Variants in PCDHGA4 observed in about 807,000 individuals in gnomAD.
The protein encoded by PCDHGA4 is protocadherin gamma subfamily A, 4, also known as protocadherin gamma-A4.
A neutral mutation model predicts 54.6 loss-of-function variants in PCDHGA4; 38 were observed. The ratio of observed to expected loss-of-function variants is 0.70; its 90% CI spans 0.54 to 0.91. The LOEUF is 0.91. Ranked by LOEUF, PCDHGA4 falls within the 40% of genes least tolerant of loss-of-function variation. The pLI is 0.00. For synonymous variants in PCDHGA4, 511 were observed against 512.9 expected, an observed-to-expected ratio of 1.00 and a Z score of 0.05; for missense variants, 1,298 against 1,220.9, an observed-to-expected ratio of 1.06 and a Z score of -0.94.
intron 1 of PCDHGA4, chr5:141,376,645 T>C: frequency 9.9e-7 from 1 of 1,010,330 alleles, no homozygotes; most frequent in South Asian, 1.7e-5. Flanking sequence ...TTTTGTAAAG[T>C]GGAAGACTCC....
chr5:141,476,597 G>C lies in PCDHGA4; in HGVS notation c.2515-18210G>C, dbSNP rs2099394582. On this transcript the variant is annotated intron_variant, in intron 1 of 3. Coordinates refer to ENST00000571252, the MANE Select transcript of PCDHGA4 (RefSeq NM_018917.4). The surrounding 1 kb of genome is among the most constrained non-coding windows in gnomAD (Gnocchi z 7.6). ...GCGCTTTCCGCTCGAGAGCGCGCAC[G>C]ATCCCGATGTGGGAAGCAACTCTTT... The C allele has an allele frequency of 1.2e-6, 2 of 1,614,112 alleles. No individual in the cohort carries two copies. The highest frequency in any genetic ancestry group is 1.7e-6 in the Non-Finnish European group (2 of 1,180,046).
At chr5:141,387,448 G>T (rs913381872) in intron 1 of PCDHGA4, among the ~76,000 whole-genome samples, 1 of 152,228 alleles carries the variant, frequency 6.6e-6, no homozygotes, top group African/African-American at 2.4e-5. Context: ...TAATCTACAT[G>T]ATTTGCCTAA....
At chr5:141,434,553 G>T (rs1203568173) in intron 1 of PCDHGA4, among the ~76,000 whole-genome samples, 1 of 152,202 alleles carries the variant, frequency 6.6e-6, no homozygotes, top group Admixed American at 6.5e-5. Flanking sequence ...AGTGATCTGT[G>T]CCTTAAGGAC....
chr5:141,444,082 A>G (rs942113441), intron 1 of PCDHGA4, among the ~76,000 whole-genome samples: 2 of 151,044 alleles, frequency 1.3e-5, no homozygotes, highest in African/African-American at 2.4e-5. Flanking sequence ...TCACCTGAAA[A>G]GTCTGCTAAG....
intron 1 of PCDHGA4, among the ~76,000 whole-genome samples, chr5:141,484,760 A>G (rs1472178052): frequency 2.0e-5 from 3 of 151,880 alleles, no homozygotes; most frequent in South Asian, 2.1e-4. Flanking sequence ...GTATATATAT[A>G]TATATGTTGT....
At chr5:141,361,295 T>C in intron 1 of PCDHGA4, 1 of 1,613,990 alleles carries the variant, frequency 6.2e-7, no homozygotes, top group Non-Finnish European at 8.5e-7. Context: ...TGCCAAGTGT[T>C]GGGAAATGCC....
intron 1 of PCDHGA4, chr5:141,370,131 T>C (rs1459064446): frequency 2.5e-6 from 1 of 401,420 alleles, no homozygotes; most frequent in African/African-American, 2.0e-5. Context: ...TATTTGGAGC[T>C]GATTTAGTCA....
At chr5:141,361,191 A>G (rs758042859) in intron 1 of PCDHGA4, 21 of 1,613,874 alleles carry the variant, frequency 1.3e-5, no homozygotes, top group Non-Finnish European at 1.8e-5. Context: ...TGACTTCAGT[A>G]TCTACTCCCC....
In PCDHGA4 at chr5:141,448,679, G is replaced by A. The variant is rs113043083; in HGVS notation, c.2515-46128G>A. On this transcript the variant is annotated intron_variant, in intron 1 of 3. Coordinates refer to ENST00000571252, the MANE Select transcript of PCDHGA4 (RefSeq NM_018917.4). Reference sequence around the variant, plus strand: ...ATATTGGCCGGGCGCGGTGGCTCACGCCTGTAATCGCAGCACTTTGGGAGG... The same window carrying A: ...ATATTGGCCGGGCGCGGTGGCTCACACCTGTAATCGCAGCACTTTGGGAGG... Among the ~76,000 whole-genome samples the A allele has an allele frequency of 8.3e-3, 1,260 of 152,126 alleles. 17 individuals are homozygous for A. Among genetic ancestry groups the A allele is most frequent in the African/African-American group, 0.029 (1,195 of 41,496 alleles).
intron 1 of PCDHGA4, chr5:141,408,622 A>C (rs1481022505): frequency 6.2e-7 from 1 of 1,614,070 alleles, no homozygotes; most frequent in Admixed American, 1.7e-5. Flanking sequence ...AAATACATTT[A>C]GAAATTTTCG....
In PCDHGA4 at chr5:141,491,807, G is replaced by A; in HGVS notation, c.2515-3000G>A. On this transcript the variant is annotated intron_variant, in intron 1 of 3. Transcript: ENST00000571252. The surrounding 1 kb of genome is among the most constrained non-coding windows in gnomAD (Gnocchi z 6.9). ...CATCCACTCCTCTCCGGCCGGCTTG[G>A]TCGCTGGCTGCGCTCCACCCGATTC... is the stretch of plus-strand genomic sequence containing the variant. 1 of 1,491,112 alleles carries A rather than the reference G, an allele frequency of 6.7e-7. No homozygotes were observed. The highest frequency in any genetic ancestry group is 1.4e-5 in the South Asian group (1 of 73,752). The allele number at this position is 1,491,112 out of a possible 1,614,324, so 92.4% of individuals were successfully genotyped here. A position where few individuals can be genotyped will look rare whatever the true frequency, so the allele number is the denominator to read the frequency against.
At chr5:141,444,178 TTTTTTTTTTTG>T in intron 1 of PCDHGA4, among the ~76,000 whole-genome samples, 1 of 134,050 alleles carries the variant, frequency 7.5e-6, no homozygotes, top group Admixed American at 7.5e-5. Flanking sequence ...TTTTTTTTTT[TTTTTTTTTTTG>T]AGATGGAGTT....
chr5:141,428,773 T>C (rs1036838681), intron 1 of PCDHGA4: 1 of 154,174 alleles, frequency 6.5e-6, no homozygotes, highest in Admixed American at 6.4e-5. Context: ...CCACTCTTAA[T>C]ATTTCCTGTT....
At chr5:141,450,152 A>G (rs958894990) in intron 1 of PCDHGA4, among the ~76,000 whole-genome samples, 1 of 151,132 alleles carries the variant, frequency 6.6e-6, no homozygotes, top group East Asian at 2.0e-4. Context: ...GACTACAGGC[A>G]TGTGCCACCA....
chr5:141,355,793 G>A lies in PCDHGA4; in HGVS notation c.686G>A (p.Arg229His), dbSNP rs1157536797. Reference protein sequence around the residue: ...GIKYPELVLERALDREEEAVH... With the variant: ...GIKYPELVLEHALDREEEAVH... ...AAGTACCCAGAGCTGGTGCTGGAACGCGCTCTAGATCGCGAGGAAGAGGCG... is the reference window on the plus strand; with the variant it reads ...AAGTACCCAGAGCTGGTGCTGGAACACGCTCTAGATCGCGAGGAAGAGGCG... The change falls in exon 1 of 4, where the codon CGC becomes CAC. Residue 229 changes from arginine to histidine, a missense_variant. Coordinates refer to ENST00000571252, the MANE Select transcript of PCDHGA4 (RefSeq NM_018917.4). 6 of 1,613,574 alleles carry A rather than the reference G, an allele frequency of 3.7e-6. No individual in the cohort carries two copies. Among genetic ancestry groups the A allele is most frequent in the South Asian group, 1.1e-5 (1 of 91,000 alleles).
chr5:141,483,472 T>C (rs1457039859), intron 1 of PCDHGA4, among the ~76,000 whole-genome samples: 2 of 152,076 alleles, frequency 1.3e-5, no homozygotes, highest in Non-Finnish European at 2.9e-5. Flanking sequence ...TGACATGATA[T>C]AGGAAGTGAG....
Position 141,467,771 on chromosome 5 carries a change from A to G in PCDHGA4, c.2515-27036A>G, listed in dbSNP as rs542500016. Among the ~76,000 whole-genome samples, 11 of 151,422 alleles carry G rather than the reference A, an allele frequency of 7.3e-5. No individual in the cohort carries two copies. The South Asian group carries it at 2.3e-3, about 32-fold the overall frequency. On this transcript the variant is annotated intron_variant, in intron 1 of 3. Transcript: ENST00000571252. Reference sequence around the variant, plus strand: ...CCGCCTCACATGCTCAAGTGCCCGCACCTCAGCCTCTCAAGTAGCTGGGAC... The same window carrying G: ...CCGCCTCACATGCTCAAGTGCCCGCGCCTCAGCCTCTCAAGTAGCTGGGAC...
Position 141,487,289 on chromosome 5 carries a change from G to A in PCDHGA4, c.2515-7518G>A. The A allele has an allele frequency of 1.2e-6, 2 of 1,614,096 alleles. No individual in the cohort carries two copies. The highest frequency in any genetic ancestry group is 1.7e-6 in the Non-Finnish European group (2 of 1,180,024). On this transcript the variant is annotated intron_variant, in intron 1 of 3. Coordinates refer to ENST00000571252, the MANE Select transcript of PCDHGA4 (RefSeq NM_018917.4). The surrounding 1 kb of genome is among the most constrained non-coding windows in gnomAD (Gnocchi z 5.0). ...AGTGGCAATTTGCTTTGTCTCCTTTGGCTCATTCGTGGCACTACTCTCTAA... is the reference window on the plus strand; with the variant it reads ...AGTGGCAATTTGCTTTGTCTCCTTTAGCTCATTCGTGGCACTACTCTCTAA...
chr5:141,364,653 T>C, intron 1 of PCDHGA4: 1 of 1,614,052 alleles, frequency 6.2e-7, no homozygotes, highest in Non-Finnish European at 8.5e-7. Context: ...AACTTTAACA[T>C]CTTGGTTGAG....
Sources: allele counts gnomAD v4.1 joint callset (sites outside exome capture counted in the v4.1 genomes callset), GRCh38; gene constraint gnomAD v4.1.1; non-coding constraint Gnocchi (gnomAD v3.1); transcripts MANE v1.5; gene names NCBI Gene and HGNC (gene_info 2026-07-23, HGNC 2026-07-21).